The following WDR4 variants were observed in gnomAD, a reference collection of about 807,000 sequenced individuals.
The protein encoded by WDR4 is WDR4 tRNA N7-guanosine methyltransferase non-catalytic subunit.
Under a neutral mutation model 48.6 loss-of-function variants are expected in WDR4, and 47 were observed. The ratio of observed to expected loss-of-function variants is 0.97; its 90% CI spans 0.77 to 1.23. The LOEUF (loss-of-function observed/expected upper bound fraction) is 1.23. Among genes scored for constraint, WDR4 ranks in the 50% most tolerant of loss-of-function variants. The pLI, the probability that WDR4 is intolerant of heterozygous loss-of-function variation, is 0.00. For synonymous variants in WDR4, 268 were observed against 230.0 expected, an observed-to-expected ratio of 1.17 and a Z score of -1.49; for missense variants, 606 against 551.6, an observed-to-expected ratio of 1.10 and a Z score of -0.99.
chr21:42,844,031 T>C (rs1429761184), intron 11 of WDR4, among the ~76,000 whole-genome samples: 2 of 151,684 alleles, frequency 1.3e-5, no homozygotes, highest in Non-Finnish European at 2.9e-5. Context: ...TTTATAGAGA[T>C]GAAAAAACAC....
chr21:42,856,285 G>A (rs1320620554), intron 6 of WDR4, among the ~76,000 whole-genome samples: 1 of 152,216 alleles, frequency 6.6e-6, no homozygotes, highest in Admixed American at 6.5e-5. Context: ...CACGACAACT[G>A]GTACAACCCT....
intron 3 of WDR4, among the ~76,000 whole-genome samples, chr21:42,871,238 G>C (rs1250406113): frequency 2.0e-5 from 3 of 152,216 alleles, no homozygotes; most frequent in Non-Finnish European, 4.4e-5. Context: ...CTACAACTGT[G>C]AGAAAATTGT....
chr21:42,850,294 CG>C, intron 10 of WDR4, 52 bp from the exon 11 acceptor site: 1 of 1,498,586 alleles, frequency 6.7e-7, no homozygotes, highest in South Asian at 1.3e-5. Flanking sequence ...ACATGGGACT[CG>C]GCCACCACAG....
intron 4 of WDR4, 64 bp downstream of exon 4, chr21:42,863,376 C>G: frequency 6.5e-7 from 1 of 1,548,278 alleles, no homozygotes; most frequent in Non-Finnish European, 8.8e-7. Context: ...CCCCACGTGC[C>G]ACGTCCCCCA....
chr21:42,854,533 G>C, intron 8 of WDR4, 29 bp downstream of exon 8: 1 of 1,605,128 alleles, frequency 6.2e-7, no homozygotes, highest in Non-Finnish European at 8.5e-7. Context: ...TGCAGAACCG[G>C]AGGCCATAGA....
chr21:42,866,163 G>A (rs899989314), intron 3 of WDR4, among the ~76,000 whole-genome samples: 5 of 152,116 alleles, frequency 3.3e-5, no homozygotes, highest in Admixed American at 3.3e-4. Flanking sequence ...TCGTCACCCT[G>A]TGTCCTCATC....
At position 42,862,354 on chromosome 21, in the gene WDR4, C is replaced by T. The variant is rs752560567; in HGVS notation, c.494G>A (p.Arg165Gln). The T allele has an allele frequency of 5.0e-6, 8 of 1,611,396 alleles. No homozygotes were observed. In the East Asian group the frequency reaches 1.1e-4, roughly 22 times the overall value. The change falls in exon 5 of 11, where the codon CGG becomes CAG. Residue 165 changes from arginine to glutamine, a missense_variant. Coordinates refer to ENST00000398208, the MANE Select transcript of WDR4 (RefSeq NM_018669.6). The surrounding 1 kb of genome is among the most constrained non-coding windows in gnomAD (Gnocchi z 4.3). The stretch of plus-strand genomic sequence containing the variant: ...CCAGCTGACTCGGATCTTCTCGTCC[C>T]GGTCGGCAGTGAGGATGAAGCGGTC... Reference protein sequence around the residue: ...PDDRFILTADRDEKIRVSWAA... With the variant: ...PDDRFILTADQDEKIRVSWAA...
At chr21:42,869,626 C>T (rs982645304) in intron 3 of WDR4, among the ~76,000 whole-genome samples, 2 of 151,814 alleles carry the variant, frequency 1.3e-5, no homozygotes, top group African/African-American at 2.4e-5. Context: ...TAAAGAGCTC[C>T]TACAAATAAA....
chr21:42,888,067 T>C, the WDR4 span, among the ~76,000 whole-genome samples: 581 of 152,362 alleles, frequency 3.8e-3, 4 homozygotes, highest in African/African-American at 0.013. Flanking sequence ...TCTTAATTTT[T>C]CAGTATTTCT....
At chr21:42,878,895 G>T in intron 1 of WDR4, 1 of 935,930 alleles carries the variant, frequency 1.1e-6, no homozygotes, top group Non-Finnish European at 1.3e-6. Context: ...CAGGTGAGTG[G>T]ATGCAGGCCG....
chr21:42,853,630 A>C lies in WDR4; in HGVS notation c.914T>G (p.Val305Gly). 6 of 1,607,682 alleles carry C rather than the reference A, an allele frequency of 3.7e-6. No homozygotes were observed. The highest frequency in any genetic ancestry group is 5.1e-6 in the Non-Finnish European group (6 of 1,178,072). ...GGGGGCTTCCTGGCAGTCCTGGAGC[A>C]CCCACAGCCCCTGGGTCTCCTCGAA... Reference protein sequence around the residue: ...VAFEETQGLWVLQDCQEAPLV... With the variant: ...VAFEETQGLWGLQDCQEAPLV... The change falls in exon 9 of 11, where the codon GTG becomes GGG. Residue 305 changes from valine (V) to glycine (G), a missense_variant. Physicochemically the swap from Val to Gly is moderately radical, Grantham distance 109. Transcript: ENST00000398208.
upstream of WDR4, chr21:42,879,635 T>C: frequency 9.5e-7 from 1 of 1,056,062 alleles, no homozygotes; most frequent in Non-Finnish European, 1.3e-6. Flanking sequence ...GAGCCTGCCT[T>C]GAGCATGCGT....
chr21:42,876,803 T>C lies in WDR4; in HGVS notation c.90-36A>G, dbSNP rs375161716. On this transcript the variant is annotated intron_variant, in intron 1 of 10. Transcript: ENST00000398208. ...ATAACAATAATTTTAAAAGGAGTTA[T>C]CATTAGAGAGAAATAACAAATTTTT... 1.3e-4 allele frequency: 211 copies of C among 1,584,868 alleles called. 2 individuals carry two copies. In the South Asian group the frequency reaches 1.8e-3, roughly 14 times the overall value.
rs1397380382 is a variant in WDR4, at chr21:42,879,482, A to C, written c.14T>G (p.Val5Gly). The part of the protein sequence containing the change: MAGS[V>G]GLALCGQTLV... ...CGTCTGCCCGCACAACGCCAGTCCCACAGAGCCCGCCATGTACCCGCCCGC... is the reference window on the plus strand; with the variant it reads ...CGTCTGCCCGCACAACGCCAGTCCCCCAGAGCCCGCCATGTACCCGCCCGC... Residue 5 changes from valine to glycine, a missense_variant, in exon 1 of 11, where the codon GTG becomes GGG. Physicochemically the swap from Val to Gly is moderately radical, Grantham distance 109 (BLOSUM62 -3). Transcript: ENST00000398208. The C allele has an allele frequency of 6.2e-7, 1 of 1,613,232 alleles. No individual in the cohort carries two copies. The highest frequency in any genetic ancestry group is 1.7e-5 in the Admixed American group (1 of 59,986).
chr21:42,875,720 C>T (rs935482965), intron 2 of WDR4, among the ~76,000 whole-genome samples: 11 of 152,206 alleles, frequency 7.2e-5, no homozygotes, highest in South Asian at 6.2e-4. Context: ...ATAATAATAA[C>T]GATAAAACAA....
At chr21:42,878,235 T>C (rs2058546151) in intron 1 of WDR4, among the ~76,000 whole-genome samples, 2 of 152,122 alleles carry the variant, frequency 1.3e-5, no homozygotes, top group Non-Finnish European at 2.9e-5. Flanking sequence ...AACTTCGGTT[T>C]ATCCCATCCT....
At chr21:42,855,202 A>C (rs2057954969) in intron 7 of WDR4, among the ~76,000 whole-genome samples, 1 of 152,172 alleles carries the variant, frequency 6.6e-6, no homozygotes, top group Non-Finnish European at 1.5e-5. Flanking sequence ...ATGAAGGAAA[A>C]GGCCTGGTCC....
chr21:42,888,830 A>G, the WDR4 span, among the ~76,000 whole-genome samples: 7 of 151,442 alleles, frequency 4.6e-5, no homozygotes, highest in African/African-American at 1.7e-4. Context: ...CCTCCCGAGT[A>G]GCTGGGATTA....
chr21:42,887,931 AC>A, the WDR4 span, among the ~76,000 whole-genome samples: 1 of 152,168 alleles, frequency 6.6e-6, no homozygotes, highest in South Asian at 2.1e-4. Flanking sequence ...CAAAAAAAAA[AC>A]AAAAACAAAA....
Sources: gnomAD v4.1 joint callset for allele counts (sites outside exome capture counted in the v4.1 genomes callset) on GRCh38, gnomAD v4.1.1 for gene constraint, Gnocchi (gnomAD v3.1) non-coding constraint, MANE v1.5 for transcripts, NCBI Gene and HGNC (gene_info 2026-07-23, HGNC 2026-07-21) for gene names.